The following CLDN18 variants were observed in gnomAD, a reference collection of about 807,000 sequenced individuals.
CLDN18 encodes claudin-18.
In CLDN18, 20 loss-of-function variants were observed where a neutral mutation model predicts 25.0. The ratio of observed to expected loss-of-function variants is 0.80; its 90% CI spans 0.56 to 1.16. The LOEUF is 1.16. CLDN18 is among the 50% of genes most tolerant of loss of function. The pLI, the probability that CLDN18 is intolerant of heterozygous loss-of-function variation, is 0.00. For synonymous variants in CLDN18, 125 were observed against 135.6 expected, an observed-to-expected ratio of 0.92 and a Z score of 0.54; for missense variants, 297 against 345.4, an observed-to-expected ratio of 0.86 and a Z score of 1.11.
chr3:138,031,199 C>G lies in CLDN18; in HGVS notation c.*58C>G, dbSNP rs1352622146. On this transcript the variant is annotated 3_prime_UTR_variant, in exon 5 of 5. Coordinates refer to ENST00000183605, the MANE Select transcript of CLDN18 (RefSeq NM_016369.4). Reference sequence around the variant, plus strand: ...ACTCCCGGAGAGCTCACCCAAAAAACAAGGAGATCCCATCTAGATTTCTTC... The same window carrying G: ...ACTCCCGGAGAGCTCACCCAAAAAAGAAGGAGATCCCATCTAGATTTCTTC... The G allele has an allele frequency of 1.4e-6, 2 of 1,403,818 alleles. No homozygotes were observed. Among genetic ancestry groups the G allele is most frequent in the African/African-American group, 2.9e-5 (2 of 69,636 alleles). The allele number at this position is 1,403,818 out of a possible 1,614,324, so 87.0% of individuals were successfully genotyped here.
At chr3:137,998,882 C>A in exon 1 of CLDN18, 1 of 1,614,212 alleles carries the variant, frequency 6.2e-7, no homozygotes, top group Non-Finnish European at 8.5e-7. Flanking sequence ...GCCGTGACTG[C>A]CTGTCAGGGC....
chr3:138,023,751 G>T lies in CLDN18; in HGVS notation c.314G>T (p.Arg105Leu), dbSNP rs200466463. The T allele has an allele frequency of 4.3e-6, 7 of 1,613,984 alleles. No individual in the cohort carries two copies. The highest frequency in any genetic ancestry group is 2.2e-5 in the East Asian group (1 of 44,864). The change falls in exon 2 of 5, where the codon CGC becomes CTC. Residue 105 changes from arginine (R) to leucine (L), a missense_variant. Arg to Leu is a moderately radical substitution (Grantham distance 102). Coordinates refer to ENST00000183605, the MANE Select transcript of CLDN18 (RefSeq NM_016369.4). ...LVSIFALKCI[R>L]IGSMEDSAKA... is the part of the protein sequence containing the mutation. Reference sequence around the variant, plus strand: ...TCCATCTTTGCCCTGAAATGCATCCGCATTGGCAGCATGGAGGACTCTGCC... The same window carrying T: ...TCCATCTTTGCCCTGAAATGCATCCTCATTGGCAGCATGGAGGACTCTGCC...
intron 2 of CLDN18, 99 bp from the exon 3 acceptor site, chr3:138,024,508 T>C: frequency 1.4e-6 from 1 of 726,674 alleles, no homozygotes; most frequent in Non-Finnish European, 2.5e-6. Context: ...TACAATATTC[T>C]GCAGCCTACT....
chr3:138,003,784 G>A (rs935234879), intron 1 of CLDN18, among the ~76,000 whole-genome samples: 2 of 152,108 alleles, frequency 1.3e-5, no homozygotes, highest in Non-Finnish European at 2.9e-5. Context: ...ATTAACATAT[G>A]CCTGCTCTGA....
At chr3:138,016,201 C>A (rs1230769594) in intron 1 of CLDN18, among the ~76,000 whole-genome samples, 1 of 152,118 alleles carries the variant, frequency 6.6e-6, no homozygotes, top group East Asian at 1.9e-4. Flanking sequence ...AGGACATGCC[C>A]AAGGCCTCGT....
intron 1 of CLDN18, among the ~76,000 whole-genome samples, chr3:138,021,274 G>T (rs1455762338): frequency 6.6e-6 from 1 of 152,048 alleles, no homozygotes; most frequent in Non-Finnish European, 1.5e-5. Context: ...AAAGTGTTAA[G>T]CATTTCTCCT....
At chr3:138,029,708 G>A (rs1942364761) in intron 3 of CLDN18, 89 bp from the exon 4 acceptor site, 11 of 754,882 alleles carry the variant, frequency 1.5e-5, no homozygotes, top group East Asian at 2.8e-5. Context: ...CCAAAAGTGG[G>A]GACAGAAAGA....
At chr3:138,016,359 G>A (rs963875932) in intron 1 of CLDN18, among the ~76,000 whole-genome samples, 3 of 152,152 alleles carry the variant, frequency 2.0e-5, no homozygotes, top group African/African-American at 7.2e-5. Context: ...CACAATAAGC[G>A]CAGAGGGTAT....
Position 138,010,346 on chromosome 3 carries a change from A to G in CLDN18, c.121A>G (p.Thr41Ala). The G allele has an allele frequency of 4.3e-6, 7 of 1,614,140 alleles. No individual in the cohort carries two copies. The highest frequency in any genetic ancestry group is 5.9e-6 in the Non-Finnish European group (7 of 1,180,022). The change falls in exon 1 of 5, where the codon ACC (threonine) becomes GCC (alanine). Residue 41 changes from threonine (T) to alanine (A), a missense_variant. Physicochemically the swap from Thr to Ala is moderately conservative, Grantham distance 58. Transcript: ENST00000183605. Reference protein sequence around the residue: ...STQDLYDNPVTSVFQYEGLWR... With the variant: ...STQDLYDNPVASVFQYEGLWR... ...CCAGGACCTGTACGACAACCCCGTC[A>G]CCTCCGTGTTCCAGTACGAAGGGCT...
At chr3:138,030,149 G>A (rs1942371114) in intron 4 of CLDN18, among the ~76,000 whole-genome samples, 1 of 152,222 alleles carries the variant, frequency 6.6e-6, no homozygotes, top group South Asian at 2.1e-4. Context: ...TTCCTTCTGA[G>A]ATTGTTTTGT....
chr3:138,030,201 G>A (rs1394701680), intron 4 of CLDN18, among the ~76,000 whole-genome samples: 2 of 152,210 alleles, frequency 1.3e-5, no homozygotes, highest in Non-Finnish European at 2.9e-5. Flanking sequence ...CCCCCCAGGG[G>A]ATATCTGGCA....
At chr3:138,002,739 G>A (rs918029389) in intron 1 of CLDN18, among the ~76,000 whole-genome samples, 4 of 152,294 alleles carry the variant, frequency 2.6e-5, no homozygotes, top group Non-Finnish European at 5.9e-5. Flanking sequence ...AGAAACCCTA[G>A]GCATAGAACT....
intron 4 of CLDN18, among the ~76,000 whole-genome samples, chr3:138,030,681 C>T (rs1289943932): frequency 6.6e-6 from 1 of 152,188 alleles, no homozygotes; most frequent in Non-Finnish European, 1.5e-5. Flanking sequence ...TACCTCTCTC[C>T]ACCATCCAAA....
intron 1 of CLDN18, among the ~76,000 whole-genome samples, chr3:138,016,825 G>A (rs142657242): frequency 2.9e-3 from 440 of 152,214 alleles, no homozygotes; most frequent in African/African-American, 7.5e-3. Context: ...AGGCCAAGGC[G>A]GGTGAATCAC....
At chr3:138,028,996 A>G (rs1042199483) in intron 3 of CLDN18, among the ~76,000 whole-genome samples, 29 of 152,258 alleles carry the variant, frequency 1.9e-4, no homozygotes, top group African/African-American at 7.0e-4. Flanking sequence ...CATCAATAAA[A>G]GAATGAATAG....
Position 138,031,566 on chromosome 3 carries a change from T to C in CLDN18, c.*425T>C, listed in dbSNP as rs1402334046. Reference sequence around the variant, plus strand: ...GAAAGAGTAGACCCAAAGATGTTATTTTCTGCTGTTTGAATTTTGTCTCCC... The same window carrying C: ...GAAAGAGTAGACCCAAAGATGTTATCTTCTGCTGTTTGAATTTTGTCTCCC... On this transcript the variant is annotated 3_prime_UTR_variant, in exon 5 of 5. Coordinates refer to ENST00000183605, the MANE Select transcript of CLDN18 (RefSeq NM_016369.4). 1 of 152,898 alleles carries C rather than the reference T, an allele frequency of 6.5e-6. No individual in the cohort carries two copies. Among genetic ancestry groups the C allele is most frequent in the African/African-American group, 2.4e-5 (1 of 41,486 alleles). 9.5% of individuals were successfully genotyped at this position (152,898 alleles called of 1,614,324 possible). A position where few individuals can be genotyped will look rare whatever the true frequency, so the allele number is the denominator to read the frequency against.
intron 3 of CLDN18, among the ~76,000 whole-genome samples, chr3:138,025,464 T>C (rs1215491221): frequency 6.6e-6 from 1 of 152,144 alleles, no homozygotes; most frequent in Non-Finnish European, 1.5e-5. Flanking sequence ...AGAAGAAATA[T>C]AAATATTAGA....
chr3:138,006,730 T>G (rs772696276), upstream of CLDN18, among the ~76,000 whole-genome samples: 5 of 152,202 alleles, frequency 3.3e-5, no homozygotes, highest in Non-Finnish European at 5.9e-5. Flanking sequence ...ATCTTCCAGG[T>G]GTTTTAAAAC....
At chr3:138,012,829 T>C (rs868017816) in intron 1 of CLDN18, among the ~76,000 whole-genome samples, 1 of 152,216 alleles carries the variant, frequency 6.6e-6, no homozygotes, top group Non-Finnish European at 1.5e-5. Flanking sequence ...ACACATGTCA[T>C]GGGGCTTTGA....
Sources: allele counts gnomAD v4.1 joint callset (sites outside exome capture counted in the v4.1 genomes callset), GRCh38; gene constraint gnomAD v4.1.1; transcripts MANE v1.5; gene names NCBI Gene and HGNC (gene_info 2026-07-23, HGNC 2026-07-21).